Variants in TSPEAR observed in about 807,000 individuals in gnomAD.
TSPEAR encodes the protein thrombospondin-type laminin G domain and EAR repeat-containing protein.
In TSPEAR, 69 loss-of-function variants were observed where a neutral mutation model predicts 71.6. The observed-to-expected ratio is 0.96, with a 90% CI of 0.79 to 1.18. TSPEAR has a LOEUF of 1.18. TSPEAR is among the 50% of genes most tolerant of loss of function. The pLI, the probability that TSPEAR is intolerant of heterozygous loss-of-function variation, is 0.00. For synonymous variants in TSPEAR, 402 were observed against 387.2 expected (o/e 1.04, Z -0.45); for missense variants, 971 against 894.9 (o/e 1.09, Z -1.09).
chr21:44,644,341 C>T (rs2146233787), intron 1 of TSPEAR, among the ~76,000 whole-genome samples: 1 of 152,296 alleles, frequency 6.6e-6, no homozygotes, highest in South Asian at 2.1e-4. Context: ...CCCTAGACTT[C>T]CTGGCTTTCC....
intron 2 of TSPEAR, among the ~76,000 whole-genome samples, chr21:44,534,467 G>A (rs2053053717): frequency 6.7e-6 from 1 of 150,206 alleles, no homozygotes; most frequent in Admixed American, 6.6e-5. Flanking sequence ...GGTGTGTGAG[G>A]GGTGGGGCTG....
At chr21:44,630,421 T>C (rs587761106) in intron 1 of TSPEAR, among the ~76,000 whole-genome samples, 1 of 152,222 alleles carries the variant, frequency 6.6e-6, no homozygotes, top group South Asian at 2.1e-4. Context: ...GAGAAAACAA[T>C]GGACACCCCA....
intron 1 of TSPEAR, among the ~76,000 whole-genome samples, chr21:44,684,279 T>C (rs936122735): frequency 6.6e-6 from 1 of 152,218 alleles, no homozygotes; most frequent in Non-Finnish European, 1.5e-5. Context: ...TTCACACCTC[T>C]AATCCCAGCA....
At chr21:44,641,930 A>G (rs1555938626) in intron 1 of TSPEAR, among the ~76,000 whole-genome samples, 2 of 152,214 alleles carry the variant, frequency 1.3e-5, no homozygotes, top group Non-Finnish European at 2.9e-5. Flanking sequence ...GCAATTTCCA[A>G]CAAGAAGAAA....
At chr21:44,620,115 A>G (rs1225214283) in intron 1 of TSPEAR, among the ~76,000 whole-genome samples, 7 of 152,266 alleles carry the variant, frequency 4.6e-5, no homozygotes, top group Non-Finnish European at 1.0e-4. Context: ...CGGATTTCTC[A>G]TCAGAAACCA....
chr21:44,624,279 AAATTCTCCATTTGTCCTCTG>A (rs1331546632), intron 1 of TSPEAR, among the ~76,000 whole-genome samples: 6 of 152,254 alleles, frequency 3.9e-5, no homozygotes, highest in Admixed American at 1.3e-4. Context: ...TTTGACACTG[AAATTCTCCATTTGTCCTCTG>A]GTTTTTTGAG....
At chr21:44,558,466 T>A in intron 2 of TSPEAR, 5 of 1,614,004 alleles carry the variant, frequency 3.1e-6, no homozygotes, top group Non-Finnish European at 4.2e-6. Flanking sequence ...GGCTGGCAGC[T>A]AGACTGCTGG....
chr21:44,683,041 C>T (rs1378550841), intron 1 of TSPEAR, among the ~76,000 whole-genome samples: 3 of 152,048 alleles, frequency 2.0e-5, no homozygotes, highest in East Asian at 1.9e-4. Flanking sequence ...GTCCCCACGT[C>T]GACATCCAGC....
At chr21:44,686,014 C>T (rs114634384) in intron 1 of TSPEAR, among the ~76,000 whole-genome samples, 1 of 152,190 alleles carries the variant, frequency 6.6e-6, no homozygotes, top group African/African-American at 2.4e-5. Flanking sequence ...TAGCTTGGCT[C>T]TCATTACTTG....
At chr21:44,573,765 GT>G (rs1978295478) in intron 1 of TSPEAR, 1 of 1,613,306 alleles carries the variant, frequency 6.2e-7, no homozygotes, top group African/African-American at 1.3e-5. Context: ...CACCATGTCC[GT>G]CTGCTCCAGC....
chr21:44,629,979 C>T (rs1397360845), intron 1 of TSPEAR, among the ~76,000 whole-genome samples: 1 of 152,046 alleles, frequency 6.6e-6, no homozygotes, highest in East Asian at 1.9e-4. Flanking sequence ...AGGGCTGTCG[C>T]GGGGGTCAGG....
chr21:44,664,476 G>A (rs1555944296), intron 1 of TSPEAR, among the ~76,000 whole-genome samples: 1 of 152,072 alleles, frequency 6.6e-6, no homozygotes, highest in African/African-American at 2.4e-5. Context: ...TGGATATGTC[G>A]ACTCTCCCCA....
rs2146266534 is a variant in TSPEAR, at chr21:44,661,161, C to A, written c.82+50272G>T. On this transcript the variant is annotated intron_variant, in intron 1 of 11. Transcript: ENST00000323084. ...TGGTGGCGGGCGCCTGTAGTCCCAG[C>A]TACTCGGGAGGCTGCGGCAGGAGAA... Among the ~76,000 whole-genome samples the A allele has an allele frequency of 1.3e-5, 2 of 151,542 alleles. 1 individual carries two copies. The highest frequency in any genetic ancestry group is 4.2e-4 in the South Asian group (2 of 4,798).
chr21:44,511,187 CTGAG>C (rs1221258817), intron 9 of TSPEAR: 3 of 152,266 alleles, frequency 2.0e-5, no homozygotes, highest in East Asian at 1.9e-4. Context: ...AGGAAACCAA[CTGAG>C]TGGGCAACCC....
intron 1 of TSPEAR, among the ~76,000 whole-genome samples, chr21:44,648,007 C>A (rs980702858): frequency 6.6e-6 from 1 of 152,218 alleles, no homozygotes; most frequent in Non-Finnish European, 1.5e-5. Context: ...GACCTGAGAG[C>A]CCCAGGCACC....
At chr21:44,558,139 AGGCCGGGC>A (rs1225270852) in intron 2 of TSPEAR, 2 of 1,613,204 alleles carry the variant, frequency 1.2e-6, no homozygotes, top group Non-Finnish European at 1.7e-6. Context: ...GACACGCAGG[AGGCCGGGC>A]GGCAGCAGCT....
chr21:44,590,642 G>A (rs1276988177), intron 1 of TSPEAR, among the ~76,000 whole-genome samples: 1 of 152,184 alleles, frequency 6.6e-6, no homozygotes, highest in Admixed American at 6.5e-5. Flanking sequence ...GGGCACTGTG[G>A]TCCATAGCTG....
intron 1 of TSPEAR, among the ~76,000 whole-genome samples, chr21:44,590,164 C>T (rs1415265223): frequency 6.6e-6 from 1 of 152,250 alleles, no homozygotes; most frequent in Non-Finnish European, 1.5e-5. Context: ...CTGGTCGCCT[C>T]TGGCGTTGAC....
chr21:44,644,717 T>C (rs1256306996), intron 1 of TSPEAR, among the ~76,000 whole-genome samples: 1 of 152,168 alleles, frequency 6.6e-6, no homozygotes, highest in Non-Finnish European at 1.5e-5. Flanking sequence ...ATGGATAACA[T>C]ATTTCATTCA....
Sources: allele counts gnomAD v4.1 joint callset (sites outside exome capture counted in the v4.1 genomes callset), GRCh38; gene constraint gnomAD v4.1.1; transcripts MANE v1.5; gene names NCBI Gene and HGNC (gene_info 2026-07-23, HGNC 2026-07-21).